The following C1R variants were observed in gnomAD, a reference collection of about 807,000 sequenced individuals.
C1R encodes complement C1r, also known as complement C1r subcomponent.
C1R carries 15 observed loss-of-function variants against 27.6 expected under a neutral mutation model. The observed-to-expected ratio is 0.54, with a 90% CI of 0.36 to 0.84. The LOEUF is 0.84. Among genes scored for constraint, C1R ranks in the 40% least tolerant of loss-of-function variants. The pLI is 0.01. For missense variants in C1R, 544 were observed against 577.9 expected (o/e 0.94, Z 0.60); for synonymous variants, 253 against 228.8 (o/e 1.11, Z -0.95).
In C1R at chr12:7,091,583, A is replaced by G; in HGVS notation, c.100T>C (p.Phe34Leu). ...AAGTTGTTGGGGTAAGGCTTGGGGA[A>G]CAGAGGGGAAGTCACCTCCCCAAAT... The part of the protein sequence containing the change: ...KLFGEVTSPL[F>L]PKPYPNNFET... The change falls in exon 2 of 11, where the codon TTC (phenylalanine) becomes CTC (leucine). Residue 34 changes from phenylalanine (F) to leucine (L), a missense_variant. This residue lies in a region of C1R where 291 missense variants were observed against 209.0 expected (regional missense o/e 1.39). Coordinates refer to ENST00000647956, the MANE Select transcript of C1R (RefSeq NM_001733.7). The surrounding 1 kb of genome is among the most constrained non-coding windows in gnomAD (Gnocchi z 5.1). 1.3e-6 allele frequency: 1 copy of G among 773,324 alleles called. No homozygotes were observed. The highest frequency in any genetic ancestry group is 2.4e-6 in the Non-Finnish European group (1 of 414,538). The allele number at this position is 773,324 out of a possible 1,614,324, so 47.9% of individuals were successfully genotyped here. A position where few individuals can be genotyped will look rare whatever the true frequency, so the allele number is the denominator to read the frequency against.
intron 9 of C1R, among the ~76,000 whole-genome samples, chr12:7,083,017 T>C (rs1938090500): frequency 6.6e-6 from 1 of 152,210 alleles, no homozygotes; most frequent in African/African-American, 2.4e-5. Flanking sequence ...TTTCCCTTTT[T>C]TCTGTGTTTC....
rs1289681981 is a variant in C1R, at chr12:7,088,619, C to A, written c.1029G>T (p.Gln343His). 1.4e-6 allele frequency: 1 copy of A among 724,252 alleles called. No homozygotes were observed. Among genetic ancestry groups the A allele is most frequent in the African/African-American group, 1.7e-5 (1 of 57,656 alleles). The allele number at this position is 724,252 out of a possible 1,614,324, so 44.9% of individuals were successfully genotyped here. A position where few individuals can be genotyped will look rare whatever the true frequency, so the allele number is the denominator to read the frequency against. Residue 343 changes from glutamine (Q) to histidine (H), a missense_variant, in exon 7 of 11, where the codon CAG (glutamine) becomes CAT (histidine). This residue lies in a region of C1R where 291 missense variants were observed against 209.0 expected (regional missense o/e 1.39). Coordinates refer to ENST00000647956, the MANE Select transcript of C1R (RefSeq NM_001733.7). Reference sequence around the variant, plus strand: ...AGCCCTGGGCTCTTACCTCTATGAGCTGGTAGCCTTGCTTGCAGGTAGCAA... The same window carrying A: ...AGCCCTGGGCTCTTACCTCTATGAGATGGTAGCCTTGCTTGCAGGTAGCAA... ...YFIATCKQGY[Q>H]LIEGNQVLHS...
rs1455674266 is a variant in C1R at position 7,089,585 on chromosome 12, AC to A, written c.571+1del. 1.3e-6 allele frequency: 1 copy of A among 780,828 alleles called. No individual in the cohort carries two copies. The highest frequency in any genetic ancestry group is 2.4e-6 in the Non-Finnish European group (1 of 417,970). 48.4% of individuals were successfully genotyped at this position (780,828 alleles called of 1,614,324 possible). On this transcript the variant is annotated splice_donor_variant, in intron 4 of 10. Transcript: ENST00000647956. LOFTEE classifies it high-confidence loss of function. Reference sequence around the variant, plus strand: ...CCCCTCTGCTACACCACTCTGGCTCACCCTGGCAGGAATGCCTGTCTTCCTG... The same window carrying A: ...CCCCTCTGCTACACCACTCTGGCTCACCTGGCAGGAATGCCTGTCTTCCTG...
intron 9 of C1R, among the ~76,000 whole-genome samples, chr12:7,085,554 T>C (rs1180947239): frequency 6.6e-6 from 1 of 151,980 alleles, no homozygotes; most frequent in African/African-American, 2.4e-5. Flanking sequence ...TTGCTGGTGT[T>C]GTTACTGGTA....
In C1R at chr12:7,091,889, T is replaced by C; in HGVS notation, c.3-209A>G. On this transcript the variant is annotated intron_variant, in intron 1 of 10. Transcript: ENST00000647956. The surrounding 1 kb of genome is among the most constrained non-coding windows in gnomAD (Gnocchi z 5.1). The stretch of plus-strand genomic sequence containing the variant: ...TGCATCGGGTCACTCTCCAGGGCAG[T>C]GTCCAGTCCAGAGGCCACCACACTC... 1 of 690,690 alleles carries C rather than the reference T, an allele frequency of 1.4e-6. No individual in the cohort carries two copies. Among genetic ancestry groups the C allele is most frequent in the East Asian group, 2.7e-5 (1 of 36,626 alleles). The allele number at this position is 690,690 out of a possible 1,614,324, so 42.8% of individuals were successfully genotyped here.
rs373406481 is a variant in C1R, at chr12:7,089,267, G to A, written c.768+26C>T. On this transcript the variant is annotated intron_variant, in intron 5 of 10. Transcript: ENST00000647956. ...AGTGCAGACAGAAGGGGAGGAAGGG[G>A]TCTTTCAGGGGTAGGACGGCTGTAC... The A allele has an allele frequency of 1.4e-5, 11 of 776,642 alleles. No homozygotes were observed. The African/African-American group carries it at 1.7e-4, about 12-fold the overall frequency. 48.1% of individuals were successfully genotyped at this position (776,642 alleles called of 1,614,324 possible). A position where few individuals can be genotyped will look rare whatever the true frequency, so the allele number is the denominator to read the frequency against.
At chr12:7,088,067 C>G (rs550090430) in intron 7 of C1R, among the ~76,000 whole-genome samples, 1 of 152,170 alleles carries the variant, frequency 6.6e-6, no homozygotes, top group African/African-American at 2.4e-5. Context: ...AAAAGAGCCC[C>G]GGAGCAGGAG....
chr12:7,092,353 C>T (rs1938296918), intron 1 of C1R, 34 bp downstream of exon 1: 1 of 780,724 alleles, frequency 1.3e-6, no homozygotes, highest in Admixed American at 1.7e-5. Flanking sequence ...CCTGGCTTCT[C>T]CCTCCCACCT....
In C1R at chr12:7,091,362, G is replaced by A; in HGVS notation, c.231+90C>T. On this transcript the variant is annotated intron_variant, in intron 2 of 10. Coordinates refer to ENST00000647956, the MANE Select transcript of C1R (RefSeq NM_001733.7). This position sits in a 1 kb window ranked among gnomAD's most constrained non-coding sequence, Gnocchi z 5.1. ...TTGGCCATCAGCTCTTGTGGGGCTG[G>A]GCTGTGTCTGGGGGTGTGCATGCCA... 1 of 683,476 alleles carries A rather than the reference G, an allele frequency of 1.5e-6. No individual in the cohort carries two copies. The allele number at this position is 683,476 out of a possible 1,614,324, so 42.3% of individuals were successfully genotyped here.
At chr12:7,090,643 T>C (rs1215141742) in intron 2 of C1R, among the ~76,000 whole-genome samples, 1 of 152,192 alleles carries the variant, frequency 6.6e-6, no homozygotes, top group African/African-American at 2.4e-5. Context: ...TGTCTTCAGA[T>C]TCCACCTCAG....
chr12:7,088,591 C>T lies in C1R; in HGVS notation c.1038+19G>A. On this transcript the variant is annotated intron_variant, in intron 7 of 10. Transcript: ENST00000647956. ...TGGGGTGCTGGGCCGGCTCTCTCCC[C>T]TCAGCCCTGGGCTCTTACCTCTATG... 2.8e-6 allele frequency: 2 copies of T among 719,620 alleles called. No individual in the cohort carries two copies. The highest frequency in any genetic ancestry group is 5.2e-6 in the Non-Finnish European group (2 of 385,484). The allele number at this position is 719,620 out of a possible 1,614,324, so 44.6% of individuals were successfully genotyped here.
Position 7,091,981 on chromosome 12 carries a change from A to G in C1R, c.3-301T>C. ...GTCCCTCCCCTCCCCTTCCAGGAAT[A>G]GGACTGGCTTGGGACCAGTTAATGG... On this transcript the variant is annotated intron_variant, in intron 1 of 10. Transcript: ENST00000647956. The surrounding 1 kb of genome is among the most constrained non-coding windows in gnomAD (Gnocchi z 5.1). 1 of 595,118 alleles carries G rather than the reference A, an allele frequency of 1.7e-6. No homozygotes were observed. Among genetic ancestry groups the G allele is most frequent in the Admixed American group, 2.3e-5 (1 of 43,090 alleles). 36.9% of individuals were successfully genotyped at this position (595,118 alleles called of 1,614,324 possible). A position where few individuals can be genotyped will look rare whatever the true frequency, so the allele number is the denominator to read the frequency against.
chr12:7,084,660 A>G (rs1343999588), intron 9 of C1R, among the ~76,000 whole-genome samples: 4 of 93,542 alleles, frequency 4.3e-5, no homozygotes, highest in Admixed American at 2.1e-4. Context: ...NGTAGTGGTG[A>G]TGGTGTTGGT....
chr12:7,091,244 T>C lies in C1R; in HGVS notation c.231+208A>G. On this transcript the variant is annotated intron_variant, in intron 2 of 10. Transcript: ENST00000647956. The surrounding 1 kb of genome is among the most constrained non-coding windows in gnomAD (Gnocchi z 5.1). ...AATTTCCTGAGTGGGTCCTGTCCCC[T>C]TCCTTCTCTGTGCTTCTCCCCTCAG... 1.8e-6 allele frequency: 1 copy of C among 567,476 alleles called. No homozygotes were observed. Among genetic ancestry groups the C allele is most frequent in the Non-Finnish European group, 3.1e-6 (1 of 324,722 alleles). The allele number at this position is 567,476 out of a possible 1,614,324, so 35.2% of individuals were successfully genotyped here.
chr12:7,082,187 G>T, intron 9 of C1R, 81 bp from the exon 10 acceptor site: 1 of 785,552 alleles, frequency 1.3e-6, no homozygotes, highest in Non-Finnish European at 2.2e-6. Flanking sequence ...AGTACTGAGT[G>T]TGCTTGATGG....
At chr12:7,089,129 C>T in intron 5 of C1R, 143 bp from the exon 6 acceptor site, 10 of 628,580 alleles carry the variant, frequency 1.6e-5, no homozygotes, top group Non-Finnish European at 2.0e-5. Context: ...GAAAAGGGAT[C>T]CCCATGACCC....
At chr12:7,087,846 T>A (rs1938179016) in intron 7 of C1R, 1 of 155,062 alleles carries the variant, frequency 6.4e-6, no homozygotes, top group Non-Finnish European at 1.5e-5. Flanking sequence ...TAAGGACATA[T>A]CCTAGGTCTC....
At chr12:7,087,718 T>A (rs935487211) in intron 7 of C1R, 1 of 154,380 alleles carries the variant, frequency 6.5e-6, no homozygotes, top group Non-Finnish European at 1.5e-5. Flanking sequence ...AACATTCAAA[T>A]GTGAGCTCCA....
chr12:7,086,704 A>G (rs1759725312), intron 7 of C1R: 1 of 345,762 alleles, frequency 2.9e-6, no homozygotes, highest in Non-Finnish European at 5.2e-6. Flanking sequence ...AGACCTGATC[A>G]TCCTCTCTCT....
Sources: gnomAD v4.1 joint callset for allele counts (sites outside exome capture counted in the v4.1 genomes callset) on GRCh38, gnomAD v4.1.1 for gene constraint, gnomAD v4.1.1 regional missense constraint, Gnocchi (gnomAD v3.1) non-coding constraint, MANE v1.5 for transcripts, NCBI Gene and HGNC (gene_info 2026-07-23, HGNC 2026-07-21) for gene names.